The following KLHL23 variants were observed in gnomAD, a reference collection of about 807,000 sequenced individuals.
The protein encoded by KLHL23 is kelch-like protein 23.
KLHL23 carries 33 observed loss-of-function variants against 48.9 expected under a neutral mutation model. The observed-to-expected ratio is 0.67, with a 90% CI of 0.51 to 0.90. The LOEUF is 0.90. Among genes scored for constraint, KLHL23 ranks in the 40% least tolerant of loss-of-function variants. KLHL23 has a pLI of 0.00. For synonymous variants in KLHL23, 234 were observed against 231.6 expected (o/e 1.01, Z -0.09); for missense variants, 608 against 669.6 (o/e 0.91, Z 1.02).
In KLHL23 at chr2:169,735,556, A is replaced by T; in HGVS notation, c.542A>T (p.Glu181Val). 6.2e-7 allele frequency: 1 copy of T among 1,613,684 alleles called. No individual in the cohort carries two copies. Among genetic ancestry groups the T allele is most frequent in the Non-Finnish European group, 8.5e-7 (1 of 1,179,962 alleles). The change falls in exon 2 of 4, where the codon GAA (glutamate) becomes GTA (valine). Residue 181 changes from glutamate (E) to valine (V), a missense_variant. This residue lies in a region of KLHL23 where 419 missense variants were observed against 473.1 expected (regional missense o/e 0.89). Coordinates refer to ENST00000392647, the MANE Select transcript of KLHL23 (RefSeq NM_144711.6). The surrounding 1 kb of genome is among the most constrained non-coding windows in gnomAD (Gnocchi z 4.5). ...QQEEFLEISL[E>V]KFLFILSRKN... Reference sequence around the variant, plus strand: ...GAAGAATTTCTGGAAATCAGCCTTGAAAAGTTTCTCTTTATCTTGTCCAGA... The same window carrying T: ...GAAGAATTTCTGGAAATCAGCCTTGTAAAGTTTCTCTTTATCTTGTCCAGA...
At chr2:169,741,241 A>T (rs1350317860) in intron 2 of KLHL23, 144 bp from the exon 3 acceptor site, 7 of 1,074,758 alleles carry the variant, frequency 6.5e-6, no homozygotes, top group Non-Finnish European at 8.9e-6. Flanking sequence ...TTCCTTTTTT[A>T]TTCTTTTGTC....
At chr2:169,747,210 A>G (rs1688810980) in intron 3 of KLHL23, among the ~76,000 whole-genome samples, 1 of 151,888 alleles carries the variant, frequency 6.6e-6, no homozygotes, top group African/African-American at 2.4e-5. Context: ...TTAAAAATAC[A>G]AAAATTAGCC....
intron 3 of KLHL23, among the ~76,000 whole-genome samples, chr2:169,748,368 C>T (rs1688853209): frequency 6.6e-6 from 1 of 152,192 alleles, no homozygotes; most frequent in African/African-American, 2.4e-5. Context: ...TAAATCTTTC[C>T]TTGCTTTAAT....
At chr2:169,736,955 T>A (rs1688534211) in intron 2 of KLHL23, among the ~76,000 whole-genome samples, 1 of 152,080 alleles carries the variant, frequency 6.6e-6, no homozygotes, top group African/African-American at 2.4e-5. Context: ...CTAGTGAGAG[T>A]GTGGGAATTT....
rs1181902736 is a variant in KLHL23 at position 169,750,148 on chromosome 2, GTA to G, written c.*425_*426del. The G allele has an allele frequency of 9.6e-6, 1 of 104,058 alleles. No individual in the cohort carries two copies. The highest frequency in any genetic ancestry group is 1.9e-5 in the Non-Finnish European group (1 of 51,678). 6.4% of individuals were successfully genotyped at this position (104,058 alleles called of 1,614,324 possible). The stretch of plus-strand genomic sequence containing the variant: ...TATACACATATATACGTATATATGT[GTA>G]TATATATACACAGTTGAATCAGTGG... On this transcript the variant is annotated 3_prime_UTR_variant, in exon 4 of 4. Transcript: ENST00000392647.
At chr2:169,744,390 T>C (rs951108655) in intron 3 of KLHL23, among the ~76,000 whole-genome samples, 5 of 152,178 alleles carry the variant, frequency 3.3e-5, no homozygotes, top group Admixed American at 3.3e-4. Context: ...GAAGGGTTTT[T>C]CTGGCAAGAA....
Position 169,735,318 on chromosome 2 carries a change from A to T in KLHL23, c.304A>T (p.Ile102Leu). 6.2e-7 allele frequency: 1 copy of T among 1,613,656 alleles called. No individual in the cohort carries two copies. Among genetic ancestry groups the T allele is most frequent in the South Asian group, 1.1e-5 (1 of 90,820 alleles). ...VNYAYTSQIE[I>L]TKRNVQSLLE... The stretch of plus-strand genomic sequence containing the variant: ...TTATGCATACACTTCCCAAATTGAA[A>T]TAACTAAAAGAAATGTTCAAAGCCT... Residue 102 changes from isoleucine to leucine, a missense_variant, in exon 2 of 4, where the codon ATA becomes TTA. Physicochemically the swap from Ile to Leu is conservative, Grantham distance 5. Transcript: ENST00000392647. This position sits in a 1 kb window ranked among gnomAD's most constrained non-coding sequence, Gnocchi z 4.5.
At chr2:169,740,231 G>T (rs1398579750) in intron 2 of KLHL23, among the ~76,000 whole-genome samples, 1 of 152,032 alleles carries the variant, frequency 6.6e-6, no homozygotes, top group Non-Finnish European at 1.5e-5. Context: ...TCCCACCTCA[G>T]CCTCCCGAGT....
rs1688947768 is a variant in KLHL23, at chr2:169,750,472, C to G, written c.*740C>G. ...GGAGACTAACCTGGCGAGACCCTGT[C>G]TCAAAAAAAAAAAAAAATCAATTTA... On this transcript the variant is annotated 3_prime_UTR_variant, in exon 4 of 4. Transcript: ENST00000392647. 4.3e-5 allele frequency: 1 copy of G among 23,304 alleles called. No individual in the cohort carries two copies. The highest frequency in any genetic ancestry group is 1.4e-4 in the African/African-American group (1 of 7,040). 1.4% of individuals were successfully genotyped at this position (23,304 alleles called of 1,614,324 possible).
Position 169,740,766 on chromosome 2 carries a change from T to TTATATATATATATATATATATATA in KLHL23, c.1214-616_1214-593dup, listed in dbSNP as rs55779546. On this transcript the variant is annotated intron_variant, in intron 2 of 3. Transcript: ENST00000392647. ...CCCGGCCTCTATAAGCTTTTTTATA[T>TTATATATATATATATATATATATA]TATATATATATATATATATATATAT... Among the ~76,000 whole-genome samples the TTATATATATATATATATATATATA allele has an allele frequency of 4.5e-4, 56 of 125,452 alleles. 1 individual carries two copies. Among genetic ancestry groups the TTATATATATATATATATATATATA allele is most frequent in the African/African-American group, 1.6e-3 (53 of 32,976 alleles). The allele number at this position is 125,452 out of a possible 152,430, so 82.3% of individuals were successfully genotyped here.
Position 169,735,840 on chromosome 2 carries a change from T to C in KLHL23, c.826T>C (p.Tyr276His), listed in dbSNP as rs770870100. 2 of 1,614,154 alleles carry C rather than the reference T, an allele frequency of 1.2e-6. No individual in the cohort carries two copies. Among genetic ancestry groups the C allele is most frequent in the Non-Finnish European group, 1.7e-6 (2 of 1,180,042 alleles). The change falls in exon 2 of 4, where the codon TAT (tyrosine) becomes CAT (histidine). Residue 276 changes from tyrosine (Y) to histidine (H), a missense_variant. By Grantham distance (83) the Tyr-to-His change is moderately conservative. Coordinates refer to ENST00000392647, the MANE Select transcript of KLHL23 (RefSeq NM_144711.6). The surrounding 1 kb of genome is among the most constrained non-coding windows in gnomAD (Gnocchi z 4.5). ...EISQRSTATM[Y>H]IIGGYYWHPL... ...TTCCCAGAGGTCCACAGCCACAATG[T>C]ATATAATTGGAGGCTATTACTGGCA...
chr2:169,747,479 T>A (rs961466685), intron 3 of KLHL23, among the ~76,000 whole-genome samples: 1 of 151,020 alleles, frequency 6.6e-6, no homozygotes, highest in Non-Finnish European at 1.5e-5. Context: ...TTTTTTTTTT[T>A]TTTTAAGAGA....
Position 169,749,822 on chromosome 2 carries a change from A to G in KLHL23, c.*90A>G. The G allele has an allele frequency of 6.9e-7, 1 of 1,456,658 alleles. No homozygotes were observed. The highest frequency in any genetic ancestry group is 9.2e-7 in the Non-Finnish European group (1 of 1,083,322). The allele number at this position is 1,456,658 out of a possible 1,614,324, so 90.2% of individuals were successfully genotyped here. A position where few individuals can be genotyped will look rare whatever the true frequency, so the allele number is the denominator to read the frequency against. On this transcript the variant is annotated 3_prime_UTR_variant, in exon 4 of 4. Transcript: ENST00000392647. ...AGGGTTTGAAGTTCCTTACCTGATA[A>G]TTGTGTCTGGCACATGATAGGGGAT... is the stretch of plus-strand genomic sequence containing the variant.
chr2:169,741,471 G>A lies in KLHL23; in HGVS notation c.1300G>A (p.Asp434Asn). 1 of 1,613,976 alleles carries A rather than the reference G, an allele frequency of 6.2e-7. No individual in the cohort carries two copies. The highest frequency in any genetic ancestry group is 8.5e-7 in the Non-Finnish European group (1 of 1,179,926). ...TGGCTACAGAGGAAGCTGCACCTAT[G>A]ACAAAGTTCAGAGCTACAATTCCGA... ...HCGYRGSCTY[D>N]KVQSYNSDIN... The change falls in exon 3 of 4, where the codon GAC becomes AAC. Residue 434 changes from aspartate to asparagine, a missense_variant. Transcript: ENST00000392647.
chr2:169,735,886 T>C lies in KLHL23; in HGVS notation c.872T>C (p.Ile291Thr). ...TGGCATCCTTTATCAGAGGTTCACA[T>C]ATGGGATCCTTTGACAAATGTTTGG... is the stretch of plus-strand genomic sequence containing the variant. ...YYWHPLSEVH[I>T]WDPLTNVWIQ... The change falls in exon 2 of 4, where the codon ATA becomes ACA. Residue 291 changes from isoleucine (I) to threonine (T), a missense_variant. Coordinates refer to ENST00000392647, the MANE Select transcript of KLHL23 (RefSeq NM_144711.6). This position sits in a 1 kb window ranked among gnomAD's most constrained non-coding sequence, Gnocchi z 4.5. The C allele has an allele frequency of 6.2e-7, 1 of 1,614,158 alleles. No individual in the cohort carries two copies. The highest frequency in any genetic ancestry group is 8.5e-7 in the Non-Finnish European group (1 of 1,180,042).
intron 3 of KLHL23, among the ~76,000 whole-genome samples, chr2:169,745,456 T>C (rs1688772988): frequency 7.7e-6 from 1 of 129,378 alleles, no homozygotes; most frequent in Non-Finnish European, 1.5e-5. Flanking sequence ...GAGCTTGCAG[T>C]GAGCTGAAGA....
At chr2:169,744,942 TG>T (rs1688760607) in intron 3 of KLHL23, among the ~76,000 whole-genome samples, 1 of 130,106 alleles carries the variant, frequency 7.7e-6, no homozygotes, top group Non-Finnish European at 1.6e-5. Context: ...TTTTGTTTTT[TG>T]TTTTTTTTTT....
At chr2:169,734,305 CG>C (rs1688456959) in intron 1 of KLHL23, among the ~76,000 whole-genome samples, 1 of 147,470 alleles carries the variant, frequency 6.8e-6, no homozygotes, top group Admixed American at 6.7e-5. Flanking sequence ...CGCGGAGCGC[CG>C]GGCAGAGGGA....
Position 169,735,863 on chromosome 2 carries a change from G to A in KLHL23, c.849G>A (p.Trp283Ter), listed in dbSNP as rs1474258710. Residue 283 changes from tryptophan (W) to a stop codon, truncating the protein, a stop_gained, in exon 2 of 4, where the codon TGG becomes TGA. Transcript: ENST00000392647. LOFTEE classifies it high-confidence loss of function. The surrounding 1 kb of genome is among the most constrained non-coding windows in gnomAD (Gnocchi z 4.5). ...TGTATATAATTGGAGGCTATTACTGGCATCCTTTATCAGAGGTTCACATAT... is the reference window on the plus strand; with the variant it reads ...TGTATATAATTGGAGGCTATTACTGACATCCTTTATCAGAGGTTCACATAT... ...ATMYIIGGYY[W>*]HPLSEVHIWD... is the part of the protein sequence containing the mutation. 1 of 1,614,072 alleles carries A rather than the reference G, an allele frequency of 6.2e-7. No individual in the cohort carries two copies. Among genetic ancestry groups the A allele is most frequent in the Admixed American group, 1.7e-5 (1 of 60,002 alleles).
Sources: gnomAD v4.1 joint callset for allele counts (sites outside exome capture counted in the v4.1 genomes callset) on GRCh38, gnomAD v4.1.1 for gene constraint, gnomAD v4.1.1 regional missense constraint, Gnocchi (gnomAD v3.1) non-coding constraint, MANE v1.5 for transcripts, NCBI Gene and HGNC (gene_info 2026-07-23, HGNC 2026-07-21) for gene names.